SEPTIN9: variants seen among roughly 807,000 people sequenced by gnomAD.
SEPTIN9 encodes septin-9.
Under a neutral mutation model 56.6 loss-of-function variants are expected in SEPTIN9, and 13 were observed. The observed-to-expected ratio is 0.23, with a 90% CI of 0.15 to 0.37. The LOEUF is 0.37. Ranked by LOEUF, SEPTIN9 falls within the 10% of genes least tolerant of loss-of-function variation. The pLI, the probability that SEPTIN9 is intolerant of heterozygous loss-of-function variation, is 1.00. For synonymous variants in SEPTIN9, 332 were observed against 334.1 expected (o/e 0.99, Z 0.07); for missense variants, 650 against 823.1 (o/e 0.79, Z 2.57).
chr17:77,452,731 C>T (rs1419581796), intron 3 of SEPTIN9, among the ~76,000 whole-genome samples: 2 of 151,866 alleles, frequency 1.3e-5, no homozygotes, highest in Non-Finnish European at 2.9e-5. Flanking sequence ...GTGGGTTTTC[C>T]TCCTCCATTC....
rs79115122 is a variant in SEPTIN9 at position 77,330,235 on chromosome 17, C to A, written c.76+23038C>A. Among the ~76,000 whole-genome samples the A allele has an allele frequency of 1.3e-5, 2 of 152,234 alleles. No individual in the cohort carries two copies. Among genetic ancestry groups the A allele is most frequent in the Non-Finnish European group, 2.9e-5 (2 of 68,038 alleles). Reference sequence around the variant, plus strand: ...TCGGGGGGACTTCCCCCTCTTGGAGCACCTGCTGCTCCGGGTGCCTCTGGG... The same window carrying A: ...TCGGGGGGACTTCCCCCTCTTGGAGAACCTGCTGCTCCGGGTGCCTCTGGG... On this transcript the variant is annotated intron_variant, in intron 2 of 11. Transcript: ENST00000427177. The surrounding 1 kb of genome is among the most constrained non-coding windows in gnomAD (Gnocchi z 4.4).
intron 2 of SEPTIN9, among the ~76,000 whole-genome samples, chr17:77,363,608 G>A (rs1203726611): frequency 9.2e-5 from 14 of 151,934 alleles, no homozygotes; most frequent in African/African-American, 2.9e-4. Context: ...GGCTGGTCTC[G>A]AATTCCTGAC....
intron 2 of SEPTIN9, among the ~76,000 whole-genome samples, chr17:77,351,228 AACACACACAC>A (rs10537405): frequency 0.13 from 18,414 of 144,688 alleles, 1,302 homozygotes; most frequent in Admixed American, 0.16. Context: ...GCGTGCACAC[AACACACACAC>A]ACACACACAC....
At position 77,425,234 on chromosome 17, in the gene SEPTIN9, G is replaced by T. The variant is rs1464226927; in HGVS notation, c.721+22531G>T. On this transcript the variant is annotated intron_variant, in intron 3 of 11. Transcript: ENST00000427177. This position sits in a 1 kb window ranked among gnomAD's most constrained non-coding sequence, Gnocchi z 4.2. ...CGGGCTGGGGACTGAGAGTGCCGGA[G>T]GAGGGCCTCCCAGGAAAACCCAGCT... 6.6e-6 allele frequency among the ~76,000 whole-genome samples: 1 copy of T among 152,178 alleles called. No homozygotes were observed. Among genetic ancestry groups the T allele is most frequent in the Non-Finnish European group, 1.5e-5 (1 of 68,022 alleles).
intron 3 of SEPTIN9, among the ~76,000 whole-genome samples, chr17:77,406,697 GTCTC>G (rs941044107): frequency 2.6e-4 from 40 of 151,366 alleles, no homozygotes; most frequent in African/African-American, 9.5e-4. Flanking sequence ...TTGAGATGGA[GTCTC>G]TCTCTATCAC....
rs1038304037 is a variant in SEPTIN9, at chr17:77,433,972, T to C, written c.721+31269T>C. 2.0e-5 allele frequency among the ~76,000 whole-genome samples: 3 copies of C among 152,182 alleles called. No homozygotes were observed. The highest frequency in any genetic ancestry group is 2.9e-5 in the Non-Finnish European group (2 of 68,032). ...ATCGGGGGACTTCCCAGCACAGAGCTTTCTGGCCTCTGCAGGGACGCTGTG... is the reference window on the plus strand; with the variant it reads ...ATCGGGGGACTTCCCAGCACAGAGCCTTCTGGCCTCTGCAGGGACGCTGTG... On this transcript the variant is annotated intron_variant, in intron 3 of 11. Transcript: ENST00000427177. The surrounding 1 kb of genome is among the most constrained non-coding windows in gnomAD (Gnocchi z 6.4).
chr17:77,433,686 A>G lies in SEPTIN9; in HGVS notation c.721+30983A>G, dbSNP rs1315905396. Among the ~76,000 whole-genome samples the G allele has an allele frequency of 6.6e-6, 1 of 152,096 alleles. No individual in the cohort carries two copies. Among genetic ancestry groups the G allele is most frequent in the Admixed American group, 6.5e-5 (1 of 15,286 alleles). ...CTGCCCGTGGACAGGCTGTGAGTGA[A>G]TCTGCAGAGGAAGGGAGATGGGAAT... On this transcript the variant is annotated intron_variant, in intron 3 of 11. Transcript: ENST00000427177. This position sits in a 1 kb window ranked among gnomAD's most constrained non-coding sequence, Gnocchi z 6.4.
At chr17:77,366,334 C>T (rs549440422) in intron 2 of SEPTIN9, among the ~76,000 whole-genome samples, 27 of 152,212 alleles carry the variant, frequency 1.8e-4, no homozygotes, top group African/African-American at 6.3e-4. Context: ...TCTTGCGGGG[C>T]TGGAGTAGGA....
chr17:77,487,538 A>T lies in SEPTIN9; in HGVS notation c.1028A>T (p.Lys343Met), dbSNP rs1039716027. ...EERIPKTIEI[K>M]SITHDIEEKG... The stretch of plus-strand genomic sequence containing the variant: ...CGCATCCCCAAGACCATCGAGATCA[A>T]GTCCATCACGCACGGTCAGTGGCCG... Residue 343 changes from lysine (K) to methionine (M), a missense_variant, in exon 5 of 12, where the codon AAG becomes ATG. Lys to Met is a moderately conservative substitution (Grantham distance 95, BLOSUM62 -1). Transcript: ENST00000427177. The surrounding 1 kb of genome is among the most constrained non-coding windows in gnomAD (Gnocchi z 4.3). 34 of 1,613,340 alleles carry T rather than the reference A, an allele frequency of 2.1e-5. No homozygotes were observed. The highest frequency in any genetic ancestry group is 2.9e-5 in the Non-Finnish European group (34 of 1,179,848).
At position 77,475,561 on chromosome 17, in the gene SEPTIN9, C is replaced by T; in HGVS notation, c.722-6583C>T. ...GGAAGGCCTGCAGGTGGCCGTAGGGCTGCCGCAGGGGTGCTGGCCCCAGGG... is the reference window on the plus strand; with the variant it reads ...GGAAGGCCTGCAGGTGGCCGTAGGGTTGCCGCAGGGGTGCTGGCCCCAGGG... On this transcript the variant is annotated intron_variant, in intron 3 of 11. Transcript: ENST00000427177. This position sits in a 1 kb window ranked among gnomAD's most constrained non-coding sequence, Gnocchi z 4.6. 6.2e-7 allele frequency: 1 copy of T among 1,613,260 alleles called. No individual in the cohort carries two copies. Among genetic ancestry groups the T allele is most frequent in the Non-Finnish European group, 8.5e-7 (1 of 1,179,814 alleles).
At chr17:77,315,375 C>T (rs892935786) in intron 2 of SEPTIN9, among the ~76,000 whole-genome samples, 15 of 151,932 alleles carry the variant, frequency 9.9e-5, no homozygotes, top group Non-Finnish European at 2.1e-4. Flanking sequence ...GCAACCTCCA[C>T]CTCCCAGGTT....
chr17:77,440,398 G>T (rs60029118), intron 3 of SEPTIN9, among the ~76,000 whole-genome samples: 20 of 152,260 alleles, frequency 1.3e-4, no homozygotes, highest in South Asian at 1.2e-3. Context: ...CAGGTGATCC[G>T]CCTGCCTTCG....
intron 2 of SEPTIN9, among the ~76,000 whole-genome samples, chr17:77,390,346 TAAAAAAAAA>T (rs200348069): frequency 0.23 from 20,724 of 90,290 alleles, 2,401 homozygotes; most frequent in East Asian, 0.56. Context: ...GACTCCGTCT[TAAAAAAAAA>T]AAAAAAAAAA....
intron 1 of SEPTIN9, among the ~76,000 whole-genome samples, chr17:77,301,709 G>T (rs116911537): frequency 6.6e-6 from 1 of 152,114 alleles, no homozygotes. Flanking sequence ...CACCGTGCCC[G>T]GCCAGGAATA....
intron 2 of SEPTIN9, among the ~76,000 whole-genome samples, chr17:77,325,517 G>T (rs986620554): frequency 6.6e-6 from 1 of 152,162 alleles, no homozygotes. Flanking sequence ...GCTCCCTACC[G>T]GGAAAGCCTG....
Position 77,336,964 on chromosome 17 carries a change from T to C in SEPTIN9, c.76+29767T>C, listed in dbSNP as rs928097104. Among the ~76,000 whole-genome samples, 4 of 151,906 alleles carry C rather than the reference T, an allele frequency of 2.6e-5. No individual in the cohort carries two copies. In the East Asian group the frequency reaches 5.8e-4, roughly 22 times the overall value. On this transcript the variant is annotated intron_variant, in intron 2 of 11. Coordinates refer to ENST00000427177, the MANE Select transcript of SEPTIN9 (RefSeq NM_001113491.2). The stretch of plus-strand genomic sequence containing the variant: ...ATTGTTTTGTCTTTTATTCGTTTAA[T>C]AGGATAAATTACAATGATTGATTTT...
intron 2 of SEPTIN9, among the ~76,000 whole-genome samples, chr17:77,347,629 G>A (rs893395453): frequency 6.6e-6 from 1 of 151,784 alleles, no homozygotes; most frequent in African/African-American, 2.4e-5. Context: ...TAAACATGCT[G>A]TTTGGGATGC....
chr17:77,343,195 C>T (rs569780020), intron 2 of SEPTIN9, among the ~76,000 whole-genome samples: 62 of 152,290 alleles, frequency 4.1e-4, no homozygotes, highest in Non-Finnish European at 6.9e-4. Context: ...GGGGACCCAG[C>T]CTTGTGATTA....
At chr17:77,320,613 A>G (rs2032878083) in intron 2 of SEPTIN9, among the ~76,000 whole-genome samples, 2 of 151,982 alleles carry the variant, frequency 1.3e-5, no homozygotes, top group African/African-American at 4.8e-5. Context: ...CTTGCATGTC[A>G]TGGCCACTGT....
Sources: allele counts gnomAD v4.1 joint callset (sites outside exome capture counted in the v4.1 genomes callset), GRCh38; gene constraint gnomAD v4.1.1; non-coding constraint Gnocchi (gnomAD v3.1); transcripts MANE v1.5; gene names NCBI Gene and HGNC (gene_info 2026-07-23, HGNC 2026-07-21).